Variants in BICC1 observed in about 807,000 individuals in gnomAD.
The protein encoded by BICC1 is BicC family RNA binding protein 1, also known as protein bicaudal C homolog 1.
Under a neutral mutation model 111.0 loss-of-function variants are expected in BICC1, and 43 were observed. The ratio of observed to expected loss-of-function variants is 0.39; its 90% CI spans 0.30 to 0.50. The LOEUF is 0.50. Among genes scored for constraint, BICC1 ranks in the 20% least tolerant of loss-of-function variants. The pLI is 0.88. For synonymous variants in BICC1, 467 were observed against 434.4 expected (o/e 1.07, Z -0.93); for missense variants, 1,091 against 1,203.2 (o/e 0.91, Z 1.38).
intron 1 of BICC1, among the ~76,000 whole-genome samples, chr10:58,574,660 A>G (rs1412856739): frequency 6.6e-6 from 1 of 152,140 alleles, no homozygotes; most frequent in Admixed American, 6.6e-5. Context: ...GTTTATAGCT[A>G]TTGATGTTGA....
intron 19 of BICC1, 87 bp from the exon 20 acceptor site, chr10:58,820,282 A>G (rs1844215797): frequency 3.5e-6 from 3 of 847,532 alleles, no homozygotes; most frequent in Non-Finnish European, 5.8e-6. Context: ...ATAATTAATA[A>G]ATAAGTGTGA....
chr10:58,758,942 T>C (rs1406360251), intron 3 of BICC1, among the ~76,000 whole-genome samples: 4 of 147,444 alleles, frequency 2.7e-5, no homozygotes. Flanking sequence ...TATTTATTTA[T>C]TTATTTATTT....
chr10:58,593,076 T>G (rs1052237187), intron 1 of BICC1, among the ~76,000 whole-genome samples: 2 of 151,802 alleles, frequency 1.3e-5, no homozygotes, highest in African/African-American at 4.8e-5. Flanking sequence ...TGGTCCACCA[T>G]TGCCTATGCT....
At chr10:58,652,838 C>T (rs1014316806) in intron 2 of BICC1, among the ~76,000 whole-genome samples, 3 of 152,076 alleles carry the variant, frequency 2.0e-5, no homozygotes, top group Non-Finnish European at 2.9e-5. Flanking sequence ...GGAAGGTAAG[C>T]ACTGCACCTA....
intron 3 of BICC1, among the ~76,000 whole-genome samples, chr10:58,780,736 A>AAG (rs1842861436): frequency 6.6e-6 from 1 of 152,198 alleles, no homozygotes; most frequent in African/African-American, 2.4e-5. Flanking sequence ...CCAGAGTACC[A>AAG]AGAGATAATC....
At chr10:58,779,820 C>T (rs528349391) in intron 3 of BICC1, among the ~76,000 whole-genome samples, 140 of 152,180 alleles carry the variant, frequency 9.2e-4, no homozygotes, top group Non-Finnish European at 1.5e-3. Context: ...CTTTTCCTAG[C>T]TTTTCCCTAT....
intron 2 of BICC1, chr10:58,648,726 C>T (rs1037317346): frequency 1.2e-6 from 1 of 855,978 alleles, no homozygotes; most frequent in Non-Finnish European, 1.4e-6. Context: ...CATAATGCTA[C>T]TTGCTACTCC....
At chr10:58,526,243 A>T (rs1239149487) in intron 1 of BICC1, among the ~76,000 whole-genome samples, 1 of 151,708 alleles carries the variant, frequency 6.6e-6, no homozygotes, top group East Asian at 1.9e-4. Context: ...TGGAGCCCTG[A>T]TTTCTTTTTG....
chr10:58,725,131 T>C (rs1192023112), intron 3 of BICC1, among the ~76,000 whole-genome samples: 4 of 152,212 alleles, frequency 2.6e-5, no homozygotes, highest in African/African-American at 4.8e-5. Context: ...ACTTTCCTGT[T>C]CTGTGCATGT....
chr10:58,766,917 A>C (rs1164182504), intron 3 of BICC1, among the ~76,000 whole-genome samples: 4 of 151,880 alleles, frequency 2.6e-5, no homozygotes, highest in Admixed American at 6.6e-5. Flanking sequence ...GGAGATTAGC[A>C]TGTCTGAGTG....
In BICC1 at chr10:58,678,243, C is replaced by A. The variant is rs1412207555; in HGVS notation, c.238-23831C>A. On this transcript the variant is annotated intron_variant, in intron 2 of 20. Coordinates refer to ENST00000373886, the MANE Select transcript of BICC1 (RefSeq NM_001080512.3). ...GGCTAAATGCCCCAATTAAAAGGCA[C>A]AGACTGGCAAATTGGATAAAGACTC... Among the ~76,000 whole-genome samples, 2 of 152,156 alleles carry A rather than the reference C, an allele frequency of 1.3e-5. 1 individual carries two copies. Among genetic ancestry groups the A allele is most frequent in the East Asian group, 3.9e-4 (2 of 5,188 alleles).
intron 2 of BICC1, among the ~76,000 whole-genome samples, chr10:58,692,698 T>C (rs1443491051): frequency 2.0e-5 from 3 of 151,972 alleles, no homozygotes; most frequent in Non-Finnish European, 2.9e-5. Flanking sequence ...TTTGTAAGCC[T>C]TAGGGAATTG....
chr10:58,802,099 C>A (rs192931860), intron 14 of BICC1, among the ~76,000 whole-genome samples: 5 of 152,292 alleles, frequency 3.3e-5, no homozygotes, highest in Admixed American at 3.3e-4. Context: ...CAGGTCTAAT[C>A]TTGTCACACT....
intron 3 of BICC1, among the ~76,000 whole-genome samples, chr10:58,779,765 G>A (rs550091265): frequency 2.6e-5 from 4 of 152,238 alleles, no homozygotes; most frequent in South Asian, 2.1e-4. Context: ...CGATTGCCAC[G>A]TTAAAGGCAT....
intron 2 of BICC1, among the ~76,000 whole-genome samples, chr10:58,651,467 A>G (rs1564532239): frequency 6.6e-6 from 1 of 152,132 alleles, no homozygotes; most frequent in Admixed American, 6.6e-5. Flanking sequence ...TCCTGTTCAG[A>G]TGTTGTTTCT....
intron 1 of BICC1, among the ~76,000 whole-genome samples, chr10:58,545,547 G>A (rs1564481002): frequency 6.6e-6 from 1 of 152,146 alleles, no homozygotes; most frequent in African/African-American, 2.4e-5. Flanking sequence ...ATCAGAACAA[G>A]CAAATCTACC....
chr10:58,782,726 T>C (rs1321416268), intron 3 of BICC1, among the ~76,000 whole-genome samples: 1 of 152,140 alleles, frequency 6.6e-6, no homozygotes, highest in Non-Finnish European at 1.5e-5. Flanking sequence ...AAGAGGGAAT[T>C]AAGGAGGCTA....
intron 19 of BICC1, among the ~76,000 whole-genome samples, chr10:58,818,094 G>A (rs889908553): frequency 6.6e-6 from 1 of 152,050 alleles, no homozygotes; most frequent in East Asian, 1.9e-4. Context: ...TTTATTTGTG[G>A]CACTTAAAAG....
intron 3 of BICC1, among the ~76,000 whole-genome samples, chr10:58,764,050 G>T (rs1185151958): frequency 6.6e-6 from 1 of 152,070 alleles, no homozygotes; most frequent in Non-Finnish European, 1.5e-5. Flanking sequence ...ACAGGTACAG[G>T]TACAGTAACA....
Sources: gnomAD v4.1 joint callset for allele counts (sites outside exome capture counted in the v4.1 genomes callset) on GRCh38, gnomAD v4.1.1 for gene constraint, MANE v1.5 for transcripts, NCBI Gene and HGNC (gene_info 2026-07-23, HGNC 2026-07-21) for gene names.